Variants in IGSF9B observed in about 807,000 individuals in gnomAD.
The protein encoded by IGSF9B is protein turtle homolog B.
A neutral mutation model predicts 143.7 loss-of-function variants in IGSF9B; 48 were observed. The observed-to-expected ratio is 0.33, with a 90% CI of 0.26 to 0.42. The LOEUF (loss-of-function observed/expected upper bound fraction) is 0.42, where lower values mean the gene tolerates loss of function less well. Among genes scored for constraint, IGSF9B ranks in the 20% least tolerant of loss-of-function variants. The pLI is 1.00. For synonymous variants in IGSF9B, 903 were observed against 833.1 expected, an observed-to-expected ratio of 1.08 and a Z score of -1.44; for missense variants, 1,706 against 1,980.0, an observed-to-expected ratio of 0.86 and a Z score of 2.63.
Position 133,909,299 on chromosome 11 carries a change from C to T in IGSF9B, c.4106-22G>A, listed in dbSNP as rs562383567. The T allele has an allele frequency of 1.2e-4, 181 of 1,521,184 alleles. No individual in the cohort carries two copies. In the African/African-American group the frequency reaches 1.8e-3, roughly 15 times the overall value. The allele number at this position is 1,521,184 out of a possible 1,614,324, so 94.2% of individuals were successfully genotyped here. The stretch of plus-strand genomic sequence containing the variant: ...TCGTCTAGGAAGAAAGGAAGAGGGA[C>T]GCAAAAGAGAAGCAAGCGGATGAAA... On this transcript the variant is annotated intron_variant, in intron 19 of 19. Transcript: ENST00000533871. The surrounding 1 kb of genome is among the most constrained non-coding windows in gnomAD (Gnocchi z 4.2).
intron 7 of IGSF9B, among the ~76,000 whole-genome samples, chr11:133,935,355 T>A (rs1041900316): frequency 6.6e-6 from 1 of 152,240 alleles, no homozygotes; most frequent in African/African-American, 2.4e-5. Context: ...CAAAGGTGTC[T>A]TCCTGAGTGC....
chr11:133,949,274 T>C (rs1565451470), intron 1 of IGSF9B, among the ~76,000 whole-genome samples: 2 of 152,124 alleles, frequency 1.3e-5, no homozygotes, highest in Non-Finnish European at 2.9e-5. Context: ...CTCTTGCTTT[T>C]CTGGATCCTA....
rs528827180 is a variant in IGSF9B, at chr11:133,946,353, C to T, written c.65-95G>A. ...CCGTGTCACAGGGTCACCCCGCCCC[C>T]CACCAGCTGCCCTCCATGGGCCACC... On this transcript the variant is annotated intron_variant, in intron 1 of 19. Coordinates refer to ENST00000533871, the MANE Select transcript of IGSF9B (RefSeq NM_001277285.4). 15 of 1,057,352 alleles carry T rather than the reference C, an allele frequency of 1.4e-5. No homozygotes were observed. In the African/African-American group the frequency reaches 2.2e-4, roughly 15 times the overall value. The allele number at this position is 1,057,352 out of a possible 1,614,324, so 65.5% of individuals were successfully genotyped here.
chr11:133,910,241 A>T (rs548966725), intron 19 of IGSF9B, among the ~76,000 whole-genome samples: 1 of 152,262 alleles, frequency 6.6e-6, no homozygotes, highest in African/African-American at 2.4e-5. Flanking sequence ...TCGTAACTGA[A>T]AGAGAGGATG....
At chr11:133,917,108 G>C (rs1565418155) in intron 18 of IGSF9B, among the ~76,000 whole-genome samples, 1 of 152,182 alleles carries the variant, frequency 6.6e-6, no homozygotes, top group Admixed American at 6.5e-5. Context: ...TCTCTAGGGG[G>C]GGAAGGCACC....
chr11:133,947,708 TTCTCTCTCTCTCTC>T (rs112387633), intron 1 of IGSF9B, among the ~76,000 whole-genome samples: 1 of 134,800 alleles, frequency 7.4e-6, no homozygotes, highest in South Asian at 2.7e-4. Flanking sequence ...TCTGTGTTTG[TTCTCTCTCTCTCTC>T]TCTCTCTCTC....
At chr11:133,935,899 C>T (rs1939813998) in intron 6 of IGSF9B, 137 bp from the exon 7 acceptor site, 2 of 1,393,630 alleles carry the variant, frequency 1.4e-6, no homozygotes, top group South Asian at 2.8e-5. Context: ...CCATGCAGAC[C>T]CTGGCCTTGG....
chr11:133,907,362 C>A lies in IGSF9B; in HGVS notation c.*1707G>T, dbSNP rs1421155669. Reference sequence around the variant, plus strand: ...GGTCACTGGGCCAAGCCCATGGCAGCTGCATGAGACCAGCAGAAGCCATCC... The same window carrying A: ...GGTCACTGGGCCAAGCCCATGGCAGATGCATGAGACCAGCAGAAGCCATCC... On this transcript the variant is annotated 3_prime_UTR_variant, in exon 20 of 20. Coordinates refer to ENST00000533871, the MANE Select transcript of IGSF9B (RefSeq NM_001277285.4). 6.6e-6 allele frequency among the ~76,000 whole-genome samples: 1 copy of A among 152,256 alleles called. No individual in the cohort carries two copies. The highest frequency in any genetic ancestry group is 1.5e-5 in the Non-Finnish European group (1 of 68,054).
At position 133,908,696 on chromosome 11, in the gene IGSF9B, C is replaced by T; in HGVS notation, c.*373G>A. 1 of 212,560 alleles carries T rather than the reference C, an allele frequency of 4.7e-6. No individual in the cohort carries two copies. Among genetic ancestry groups the T allele is most frequent in the Non-Finnish European group, 9.5e-6 (1 of 104,972 alleles). The allele number at this position is 212,560 out of a possible 1,614,324, so 13.2% of individuals were successfully genotyped here. On this transcript the variant is annotated 3_prime_UTR_variant, in exon 20 of 20. Transcript: ENST00000533871. ...GATGGACATTAAGTCCAGCCTTCTTCCAGGACTTGAAAAACTGAAACAGAA... is the reference window on the plus strand; with the variant it reads ...GATGGACATTAAGTCCAGCCTTCTTTCAGGACTTGAAAAACTGAAACAGAA...
chr11:133,952,595 T>C (rs1565454104), intron 1 of IGSF9B, among the ~76,000 whole-genome samples: 1 of 152,152 alleles, frequency 6.6e-6, no homozygotes. Flanking sequence ...AGATTTCACA[T>C]GTATGTGCAC....
intron 1 of IGSF9B, among the ~76,000 whole-genome samples, chr11:133,949,239 C>A (rs1202109286): frequency 1.3e-5 from 2 of 152,172 alleles, no homozygotes; most frequent in African/African-American, 4.8e-5. Context: ...CGCCCATGTC[C>A]TGGCCTCCAC....
intron 3 of IGSF9B, among the ~76,000 whole-genome samples, chr11:133,939,920 C>T (rs1197041664): frequency 2.1e-5 from 3 of 146,022 alleles, no homozygotes; most frequent in East Asian, 2.1e-4. Flanking sequence ...TGCACATCCT[C>T]GCACGCGTCA....
rs1368903292 is a variant in IGSF9B at position 133,898,397 on chromosome 11, G to T, written c.*10672C>A. 1.6e-4 allele frequency: 25 copies of T among 152,810 alleles called. No homozygotes were observed. In the Admixed American group the frequency reaches 1.6e-3, roughly 10 times the overall value. The allele number at this position is 152,810 out of a possible 1,614,324, so 9.5% of individuals were successfully genotyped here. A position where few individuals can be genotyped will look rare whatever the true frequency, so the allele number is the denominator to read the frequency against. On this transcript the variant is annotated 3_prime_UTR_variant, in exon 20 of 20. Coordinates refer to ENST00000533871, the MANE Select transcript of IGSF9B (RefSeq NM_001277285.4). ...CCCTCTGTGTGTCCTCAGACCACCA[G>T]GTGAAATGGAGGAAAGAAGCTCATC...
At chr11:133,937,601 G>A in intron 4 of IGSF9B, 108 bp from the exon 5 acceptor site, 2 of 1,038,390 alleles carry the variant, frequency 1.9e-6, no homozygotes, top group Non-Finnish European at 2.9e-6. Flanking sequence ...TGACCACAGG[G>A]ACAGATGCAT....
At position 133,901,568 on chromosome 11, in the gene IGSF9B, T is replaced by G. The variant is rs1177739183; in HGVS notation, c.*7501A>C. On this transcript the variant is annotated 3_prime_UTR_variant, in exon 20 of 20. Transcript: ENST00000533871. Reference sequence around the variant, plus strand: ...AGTCTCCACGATTGCATCTGATCCTTGCCTCCCACATACATTCCCCTCTCT... The same window carrying G: ...AGTCTCCACGATTGCATCTGATCCTGGCCTCCCACATACATTCCCCTCTCT... 6.6e-6 allele frequency: 1 copy of G among 152,264 alleles called. No individual in the cohort carries two copies. The highest frequency in any genetic ancestry group is 1.5e-5 in the Non-Finnish European group (1 of 68,016). The allele number at this position is 152,264 out of a possible 1,614,324, so 9.4% of individuals were successfully genotyped here.
intron 14 of IGSF9B, 41 bp from the exon 15 acceptor site, chr11:133,924,945 G>A (rs1939599030): frequency 6.5e-7 from 1 of 1,545,394 alleles, no homozygotes; most frequent in East Asian, 2.2e-5. Context: ...CGAGGGACCT[G>A]AGATGACCAC....
At chr11:133,919,132 G>GGGGGGGGT in intron 18 of IGSF9B, 2 of 377,752 alleles carry the variant, frequency 5.3e-6, no homozygotes, top group Non-Finnish European at 1.1e-5. Context: ...GGGGGGGTGG[G>GGGGGGGGT]GGACGTGTCC....
At chr11:133,956,394 G>A (rs974246413) in intron 1 of IGSF9B, among the ~76,000 whole-genome samples, 1 of 152,130 alleles carries the variant, frequency 6.6e-6, no homozygotes. Flanking sequence ...GGTGTGCACC[G>A]TGGGGCCCGT....
intron 18 of IGSF9B, among the ~76,000 whole-genome samples, chr11:133,916,409 G>A (rs1000113208): frequency 1.3e-5 from 2 of 152,152 alleles, no homozygotes; most frequent in Non-Finnish European, 2.9e-5. Flanking sequence ...AAGACCAAGA[G>A]GGCACACATG....
Sources: allele counts gnomAD v4.1 joint callset (sites outside exome capture counted in the v4.1 genomes callset), GRCh38; gene constraint gnomAD v4.1.1; non-coding constraint Gnocchi (gnomAD v3.1); transcripts MANE v1.5; gene names NCBI Gene and HGNC (gene_info 2026-07-23, HGNC 2026-07-21).